The following ABRAXAS1 variants were observed in gnomAD, a reference collection of about 807,000 sequenced individuals.
ABRAXAS1 encodes abraxas 1, BRCA1 A complex subunit, also known as BRCA1-A complex subunit Abraxas 1.
Under a neutral mutation model 38.4 loss-of-function variants are expected in ABRAXAS1, and 26 were observed. The ratio of observed to expected loss-of-function variants is 0.68; its 90% CI spans 0.50 to 0.94. ABRAXAS1 has a LOEUF of 0.94. ABRAXAS1 is among the 40% of genes least tolerant of loss of function. The pLI, the probability that ABRAXAS1 is intolerant of heterozygous loss-of-function variation, is 0.00. For synonymous variants in ABRAXAS1, 144 were observed against 165.5 expected, an observed-to-expected ratio of 0.87 and a Z score of 1.00; for missense variants, 438 against 481.9, an observed-to-expected ratio of 0.91 and a Z score of 0.85.
intron 2 of ABRAXAS1, among the ~76,000 whole-genome samples, chr4:83,481,486 ATAATCTAATTAC>A (rs1360301388): frequency 8.5e-5 from 13 of 152,160 alleles, no homozygotes; most frequent in Admixed American, 8.5e-4. Context: ...CAGTCATCTA[ATAATCTAATTAC>A]TGCATTTTCT....
rs1467243020 is a variant in ABRAXAS1 at position 83,484,838 on chromosome 4, A to AG, written c.87+147dup. ...GCACGAGGCACCTCAGGGACCGCTG[A>AG]GGGGGAGAGAAGGCAGAGCCGCGAC... On this transcript the variant is annotated intron_variant, in intron 1 of 8. Transcript: ENST00000321945. 3.7e-5 allele frequency: 21 copies of AG among 564,004 alleles called. No individual in the cohort carries two copies. The Admixed American group carries it at 4.9e-4, about 13-fold the overall frequency. The allele number at this position is 564,004 out of a possible 1,614,324, so 34.9% of individuals were successfully genotyped here. A position where few individuals can be genotyped will look rare whatever the true frequency, so the allele number is the denominator to read the frequency against.
rs369370842 is a variant in ABRAXAS1, at chr4:83,481,818, C to T, written c.178+336G>A. ...AGGCTGTAGTGCAGTGGCACAGTCT[C>T]GGCTCACTGCAACTTCTGCCTCTCA... is the stretch of plus-strand genomic sequence containing the variant. On this transcript the variant is annotated intron_variant, in intron 2 of 8. Transcript: ENST00000321945. Among the ~76,000 whole-genome samples, 429 of 152,216 alleles carry T rather than the reference C, an allele frequency of 2.8e-3. 5 individuals carry two copies. The highest frequency in any genetic ancestry group is 9.7e-3 in the African/African-American group (402 of 41,542).
rs749242864 is a variant in ABRAXAS1 at position 83,461,052 on chromosome 4, C to T, written c.*1417G>A. On this transcript the variant is annotated 3_prime_UTR_variant, in exon 9 of 9. Coordinates refer to ENST00000321945, the MANE Select transcript of ABRAXAS1 (RefSeq NM_139076.3). ...TAATGGGTAAGAAAGAATACCTCAA[C>T]AACTGAATTGAGCTAGCTGAAATTT... 5.6e-6 allele frequency: 9 copies of T among 1,611,860 alleles called. No individual in the cohort carries two copies. Among genetic ancestry groups the T allele is most frequent in the Admixed American group, 3.3e-5 (2 of 59,848 alleles).
At chr4:83,484,782 G>C in intron 1 of ABRAXAS1, 2 of 449,042 alleles carry the variant, frequency 4.5e-6, no homozygotes, top group Non-Finnish European at 8.0e-6. Context: ...GGATAGCAGA[G>C]GGAGGGCTAA....
At chr4:83,463,294 A>G (rs1722214645) in intron 8 of ABRAXAS1, among the ~76,000 whole-genome samples, 200 bp downstream of exon 8, 1 of 152,162 alleles carries the variant, frequency 6.6e-6, no homozygotes, top group Non-Finnish European at 1.5e-5. Context: ...TTAGCCAGGC[A>G]TGGTGGCAGG....
intron 1 of ABRAXAS1, 44 bp from the exon 2 acceptor site, chr4:83,482,288 T>C (rs1238199653): frequency 8.4e-7 from 1 of 1,192,144 alleles, no homozygotes; most frequent in South Asian, 1.3e-5. Flanking sequence ...CTGATAGAAT[T>C]ACTGTTCACT....
At chr4:83,465,299 C>A (rs1287617478) in intron 7 of ABRAXAS1, among the ~76,000 whole-genome samples, 654 of 88,032 alleles carry the variant, frequency 7.4e-3, no homozygotes, top group Middle Eastern at 0.012. Flanking sequence ...GACTCTGTCT[C>A]AAAAAAAAAA....
chr4:83,468,988 T>C, intron 6 of ABRAXAS1, 44 bp downstream of exon 6: 1 of 1,587,394 alleles, frequency 6.3e-7, no homozygotes, highest in Non-Finnish European at 8.6e-7. Context: ...AAAATTAATT[T>C]CAAAGATGAA....
chr4:83,471,053 G>T (rs932508350), intron 4 of ABRAXAS1, among the ~76,000 whole-genome samples: 1 of 151,942 alleles, frequency 6.6e-6, no homozygotes, highest in African/African-American at 2.4e-5. Context: ...TTATATATTT[G>T]CACATTTGAA....
In ABRAXAS1 at chr4:83,484,991, C is replaced by G. The variant is rs1262474994; in HGVS notation, c.82G>C (p.Asp28His). The G allele has an allele frequency of 3.1e-6, 5 of 1,587,794 alleles. No homozygotes were observed. In the Admixed American group the frequency reaches 8.6e-5, roughly 27 times the overall value. Residue 28 changes from aspartate to histidine, a missense_variant, in exon 1 of 9, where the codon GAC (aspartate) becomes CAC (histidine). Around this residue, in one of 3 missense-constraint regions of ABRAXAS1, gnomAD observed 194 missense variants for 269.0 expected, o/e 0.72. Coordinates refer to ENST00000321945, the MANE Select transcript of ABRAXAS1 (RefSeq NM_139076.3). ...LAFQHLNTDSDTEGFLLGEVK... is the reference protein window; with the variant it reads ...LAFQHLNTDSHTEGFLLGEVK... ...CGCCCCGTCCCTCGGCTCACCGTGT[C>G]CGAGTCCGTGTTGAGGTGCTGGAAA... is the stretch of plus-strand genomic sequence containing the variant.
chr4:83,478,483 C>T (rs1157547783), intron 2 of ABRAXAS1: 3 of 419,504 alleles, frequency 7.2e-6, no homozygotes, highest in East Asian at 1.2e-4. Context: ...TCCCTTTTCC[C>T]GTGTTCTAAT....
In ABRAXAS1 at chr4:83,462,791, T is replaced by A. The variant is rs1296803874; in HGVS notation, c.908A>T (p.Asn303Ile). Residue 303 changes from asparagine (N) to isoleucine (I), a missense_variant, in exon 9 of 9, where the codon AAT becomes ATT. Physicochemically the swap from Asn to Ile is moderately radical, Grantham distance 149 (BLOSUM62 -3). Coordinates refer to ENST00000321945, the MANE Select transcript of ABRAXAS1 (RefSeq NM_139076.3). ...FLHSCVMSLKNRHVSKSSCNY... is the reference protein window; with the variant it reads ...FLHSCVMSLKIRHVSKSSCNY... The stretch of plus-strand genomic sequence containing the variant: ...ACAGCTACTTTTAGAAACATGTCTA[T>A]TTTTTAAAGACATAACACATGAATG... 5 of 1,613,834 alleles carry A rather than the reference T, an allele frequency of 3.1e-6. No homozygotes were observed. The highest frequency in any genetic ancestry group is 1.3e-5 in the African/African-American group (1 of 74,932).
In ABRAXAS1 at chr4:83,460,889, C is replaced by A; in HGVS notation, c.*1580G>T. Reference sequence around the variant, plus strand: ...CCACTGTACTCCAGCCTGGGTGACACAGGGAGACTCCATCTCAAAAAAAAA... The same window carrying A: ...CCACTGTACTCCAGCCTGGGTGACAAAGGGAGACTCCATCTCAAAAAAAAA... On this transcript the variant is annotated 3_prime_UTR_variant, in exon 9 of 9. Transcript: ENST00000321945. 1.7e-6 allele frequency: 2 copies of A among 1,168,758 alleles called. No individual in the cohort carries two copies. The highest frequency in any genetic ancestry group is 2.5e-6 in the Non-Finnish European group (2 of 807,712). 72.4% of individuals were successfully genotyped at this position (1,168,758 alleles called of 1,614,324 possible).
intron 2 of ABRAXAS1, among the ~76,000 whole-genome samples, chr4:83,480,957 C>A (rs1211113025): frequency 6.6e-6 from 1 of 151,916 alleles, no homozygotes; most frequent in African/African-American, 2.4e-5. Flanking sequence ...ATAATGAAAC[C>A]CCATCTCTAA....
rs746068286 is a variant in ABRAXAS1 at position 83,462,742 on chromosome 4, T to C, written c.957A>G (p.Val319=). 13 of 1,613,848 alleles carry C rather than the reference T, an allele frequency of 8.1e-6. No homozygotes were observed. Among genetic ancestry groups the C allele is most frequent in the Non-Finnish European group, 1.0e-5 (12 of 1,180,012 alleles). ...CTACCATTAAGGTCAGATTGTCTACTACATCGAGATGGTGGTTGTAGTTAC... is the reference window on the plus strand; with the variant it reads ...CTACCATTAAGGTCAGATTGTCTACCACATCGAGATGGTGGTTGTAGTTAC... ...SSCNYNHHLD[V]VDNLTLMVEH... The change falls in exon 9 of 9, where the codon GTA becomes GTG. Residue 319 remains valine, a synonymous_variant. Coordinates refer to ENST00000321945, the MANE Select transcript of ABRAXAS1 (RefSeq NM_139076.3).
At chr4:83,466,632 T>C (rs770570627) in intron 7 of ABRAXAS1, among the ~76,000 whole-genome samples, 1 of 151,670 alleles carries the variant, frequency 6.6e-6, no homozygotes, top group Non-Finnish European at 1.5e-5. Context: ...ATCTCCTGGG[T>C]TCACGCCATT....
At chr4:83,484,959 C>T (rs1340282178) in intron 1 of ABRAXAS1, 27 bp downstream of exon 1, 4 of 1,551,718 alleles carry the variant, frequency 2.6e-6, no homozygotes, top group Non-Finnish European at 3.5e-6. Flanking sequence ...CAGGCGACGC[C>T]GGACCCCGCC....
Position 83,482,251 on chromosome 4 carries a change from AG to A in ABRAXAS1, c.88-8del. On this transcript the variant is annotated splice_region_variant and splice_polypyrimidine_tract_variant and intron_variant, in intron 1 of 8. Transcript: ENST00000321945. ...CCCCAAGAAGAAAACCTTCCTATGA[AG>A]ATAAAGAGGCAATATATAGAATACA... is the stretch of plus-strand genomic sequence containing the variant. The A allele has an allele frequency of 6.4e-7, 1 of 1,568,618 alleles. No homozygotes were observed. Among genetic ancestry groups the A allele is most frequent in the South Asian group, 1.1e-5 (1 of 88,870 alleles).
rs1722042902 is a variant in ABRAXAS1, at chr4:83,460,384, A to T, written c.*2085T>A. 1 of 151,946 alleles carries T rather than the reference A, an allele frequency of 6.6e-6. No individual in the cohort carries two copies. Among genetic ancestry groups the T allele is most frequent in the Non-Finnish European group, 1.5e-5 (1 of 68,090 alleles). The allele number at this position is 151,946 out of a possible 1,614,324, so 9.4% of individuals were successfully genotyped here. Reference sequence around the variant, plus strand: ...TGGCCAGGCTGGTCTTGAATTCCTGACCTCAGGTGATCCACCTGCCTAGGC... The same window carrying T: ...TGGCCAGGCTGGTCTTGAATTCCTGTCCTCAGGTGATCCACCTGCCTAGGC... On this transcript the variant is annotated 3_prime_UTR_variant, in exon 9 of 9. Coordinates refer to ENST00000321945, the MANE Select transcript of ABRAXAS1 (RefSeq NM_139076.3).
Sources: allele counts gnomAD v4.1 joint callset (sites outside exome capture counted in the v4.1 genomes callset), GRCh38; gene constraint gnomAD v4.1.1; regional missense constraint gnomAD v4.1.1; transcripts MANE v1.5; gene names NCBI Gene and HGNC (gene_info 2026-07-23, HGNC 2026-07-21).